The following SUCO variants were observed in gnomAD, a reference collection of about 807,000 sequenced individuals.
SUCO encodes the protein SUN domain containing ossification factor.
Under a neutral mutation model 148.1 loss-of-function variants are expected in SUCO, and 57 were observed. The ratio of observed to expected loss-of-function variants is 0.38; its 90% confidence interval spans 0.31 to 0.48. The LOEUF (loss-of-function observed/expected upper bound fraction) is 0.48, where lower values mean the gene tolerates loss of function less well. Among genes scored for constraint, SUCO ranks in the 20% least tolerant of loss-of-function variants. The probability of loss-of-function intolerance (pLI) is 0.96; values close to 1 mark genes in which losing one functional copy is unlikely to be tolerated. For synonymous variants in SUCO, 470 were observed against 502.7 expected, an observed-to-expected ratio of 0.93 and a Z score of 0.87; for missense variants, 1,331 against 1,468.2, an observed-to-expected ratio of 0.91 and a Z score of 1.53.
chr1:172,572,205 A>ACAGCT (rs1655068754), intron 9 of SUCO, among the ~76,000 whole-genome samples: 1 of 148,596 alleles, frequency 6.7e-6, no homozygotes, highest in African/African-American at 2.5e-5. Context: ...GGTGTACCCA[A>ACAGCT]CAGCTCATTG....
chr1:172,542,080 A>T (rs1652500901), intron 1 of SUCO, among the ~76,000 whole-genome samples: 2 of 152,128 alleles, frequency 1.3e-5, no homozygotes, highest in African/African-American at 2.4e-5. Context: ...TTGAATGCAG[A>T]TAAAATTTGG....
At chr1:172,599,275 G>C (rs1182324071) in intron 19 of SUCO, 1 of 162,384 alleles carries the variant, frequency 6.2e-6, no homozygotes, top group African/African-American at 2.4e-5. Flanking sequence ...CTTGCAGTGA[G>C]CTGAGATTGC....
Position 172,579,239 on chromosome 1 carries a change from C to A in SUCO, c.1470C>A (p.Ser490=). ...ATTATAATACTGGAGAGGATAAATC[C>A]TCAAAAAATCTTCTTGGTTCTGCTA... ...PLDYNTGEDK[S]SKNLLGSATN... is the part of the protein sequence containing the mutation. The change falls in exon 15 of 24, where the codon TCC becomes TCA. Residue 490 remains serine (S), a synonymous_variant. Coordinates refer to ENST00000263688, the MANE Select transcript of SUCO (RefSeq NM_014283.5). The A allele has an allele frequency of 6.3e-7, 1 of 1,598,804 alleles. No homozygotes were observed.
intron 19 of SUCO, among the ~76,000 whole-genome samples, chr1:172,594,266 G>A (rs1407935885): frequency 1.4e-5 from 2 of 146,804 alleles, no homozygotes; most frequent in South Asian, 2.1e-4. Flanking sequence ...AGGGTTTTTT[G>A]TGTCTCTGTC....
Position 172,556,011 on chromosome 1 carries a change from T to A in SUCO, c.431T>A (p.Ile144Asn). 1 of 1,610,878 alleles carries A rather than the reference T, an allele frequency of 6.2e-7. No individual in the cohort carries two copies. Among genetic ancestry groups the A allele is most frequent in the South Asian group, 1.1e-5 (1 of 90,742 alleles). Residue 144 changes from isoleucine (I) to asparagine (N), a missense_variant, in exon 4 of 24, where the codon ATC becomes AAC. Ile to Asn is a moderately radical substitution (Grantham distance 149). This residue lies in a region of SUCO where 992 missense variants were observed against 1,093.5 expected (regional missense o/e 0.91). Transcript: ENST00000263688. ...SSSSTSEITP[I>N]SKLDEIEKSG... ...TCATCTACCTCAGAAATCACTCCAA[T>A]CTCAAAGCTTGAGTAAGTTGTTACA...
chr1:172,591,305 G>A (rs1375503735), intron 19 of SUCO, among the ~76,000 whole-genome samples: 1 of 151,904 alleles, frequency 6.6e-6, no homozygotes, highest in African/African-American at 2.4e-5. Flanking sequence ...TTAAGTTCTA[G>A]GGTACATGTG....
chr1:172,591,882 T>G (rs1656700855), intron 19 of SUCO, among the ~76,000 whole-genome samples: 1 of 152,212 alleles, frequency 6.6e-6, no homozygotes, highest in Admixed American at 6.5e-5. Context: ...TTGAACTAGT[T>G]TACAGTCCAA....
At chr1:172,549,100 TGTTAATTAAAATG>T in intron 1 of SUCO, among the ~76,000 whole-genome samples, 1 of 152,070 alleles carries the variant, frequency 6.6e-6, no homozygotes, top group Admixed American at 6.5e-5. Context: ...TTGGTTTCTA[TGTTAATTAAAATG>T]GCTACTTTGT....
rs1340893511 is a variant in SUCO, at chr1:172,551,466, T to A, written c.63-46T>A. Reference sequence around the variant, plus strand: ...GACTTAACAACTTTTCTTCTTTCTTTCTCTTTCTCTTTTTCTGTTTGTTGG... The same window carrying A: ...GACTTAACAACTTTTCTTCTTTCTTACTCTTTCTCTTTTTCTGTTTGTTGG... On this transcript the variant is annotated intron_variant, in intron 1 of 23. Transcript: ENST00000263688. 6.3e-6 allele frequency: 8 copies of A among 1,262,778 alleles called. No homozygotes were observed. The South Asian group carries it at 1.1e-4, about 17-fold the overall frequency. The allele number at this position is 1,262,778 out of a possible 1,614,324, so 78.2% of individuals were successfully genotyped here.
rs866317497 is a variant in SUCO at position 172,533,174 on chromosome 1, G to T, written c.-262G>T. ...TATGGGGCGGCAGTGGCGGCTGCAG[G>T]AGGCGGGCGTGGACGAGCCGGTGGC... On this transcript the variant is annotated 5_prime_UTR_variant, in exon 1 of 24. It introduces an in-frame stop codon into an upstream open reading frame of the 5' UTR. Coordinates refer to ENST00000263688, the MANE Select transcript of SUCO (RefSeq NM_014283.5). The T allele has an allele frequency of 8.8e-6, 13 of 1,477,920 alleles. No homozygotes were observed. In the Middle Eastern group the frequency reaches 9.8e-4, roughly 111 times the overall value. The allele number at this position is 1,477,920 out of a possible 1,614,324, so 91.6% of individuals were successfully genotyped here.
rs760903081 is a variant in SUCO, at chr1:172,569,014, T to C, written c.733-5T>C. The C allele has an allele frequency of 1.2e-5, 19 of 1,560,898 alleles. No individual in the cohort carries two copies. Among genetic ancestry groups the C allele is most frequent in the Non-Finnish European group, 1.6e-5 (19 of 1,164,444 alleles). On this transcript the variant is annotated splice_polypyrimidine_tract_variant and splice_region_variant and intron_variant, in intron 6 of 23. Transcript: ENST00000263688. The stretch of plus-strand genomic sequence containing the variant: ...AGTCTTCTTACTTTTTGGTGTTTCT[T>C]TCAGAGCTCTGATTATACAAAACCA...
Position 172,585,935 on chromosome 1 carries a change from G to C in SUCO, c.1645G>C (p.Val549Leu). The change falls in exon 17 of 24, where the codon GTT (valine) becomes CTT (leucine). Residue 549 changes from valine to leucine, a missense_variant. Transcript: ENST00000263688. ...MPESTPVSTPVPSPEYVTTEV... is the reference protein window; with the variant it reads ...MPESTPVSTPLPSPEYVTTEV... ...TGAATCAACTCCTGTTTCAACTCCT[G>C]TTCCATCTCCTGAGTAAGTTATAAT... The C allele has an allele frequency of 6.2e-7, 1 of 1,606,314 alleles. No homozygotes were observed. The highest frequency in any genetic ancestry group is 2.2e-5 in the East Asian group (1 of 44,706).
chr1:172,599,866 G>C (rs1356080856), intron 19 of SUCO, among the ~76,000 whole-genome samples, 198 bp from the exon 20 acceptor site: 1 of 152,012 alleles, frequency 6.6e-6, no homozygotes, highest in Non-Finnish European at 1.5e-5. Context: ...TGTTGGGGAG[G>C]GTTAGACACG....
chr1:172,583,253 A>G (rs917803999), intron 15 of SUCO, among the ~76,000 whole-genome samples: 1 of 152,146 alleles, frequency 6.6e-6, no homozygotes, highest in African/African-American at 2.4e-5. Flanking sequence ...TCTTTAGCTT[A>G]AGTAAGAATT....
chr1:172,550,475 G>A (rs1653207316), intron 1 of SUCO, among the ~76,000 whole-genome samples: 1 of 151,944 alleles, frequency 6.6e-6, no homozygotes, highest in South Asian at 2.1e-4. Flanking sequence ...TTATATCTGG[G>A]ACTTCTTTTA....
chr1:172,584,753 G>A (rs1195026807), intron 15 of SUCO, among the ~76,000 whole-genome samples: 1 of 152,142 alleles, frequency 6.6e-6, no homozygotes, highest in African/African-American at 2.4e-5. Flanking sequence ...TCCAGCCTGG[G>A]CAACAGAGCA....
rs920039838 is a variant in SUCO at position 172,564,232 on chromosome 1, A to G, written c.733-4787A>G. 3.3e-5 allele frequency among the ~76,000 whole-genome samples: 5 copies of G among 152,232 alleles called. No homozygotes were observed. The East Asian group carries it at 9.6e-4, about 29-fold the overall frequency. On this transcript the variant is annotated intron_variant, in intron 6 of 23. Transcript: ENST00000263688. Reference sequence around the variant, plus strand: ...CCCCAATCCCCAGCATCCCCACTGGAGCACTGCCTAATGGAGCTGTGAGAA... The same window carrying G: ...CCCCAATCCCCAGCATCCCCACTGGGGCACTGCCTAATGGAGCTGTGAGAA...
intron 9 of SUCO, among the ~76,000 whole-genome samples, chr1:172,572,708 A>C (rs868552215): frequency 1.4e-5 from 2 of 146,564 alleles, no homozygotes; most frequent in Middle Eastern, 3.9e-3. Flanking sequence ...AAAAAAAAAA[A>C]AAAAAAAAAA....
intron 1 of SUCO, 147 bp downstream of exon 1, chr1:172,533,644 T>G: frequency 9.6e-7 from 1 of 1,044,460 alleles, no homozygotes; most frequent in Non-Finnish European, 1.4e-6. Flanking sequence ...TTCTCGACTC[T>G]CCATCTGACT....
Sources: gnomAD v4.1 joint callset for allele counts (sites outside exome capture counted in the v4.1 genomes callset) on GRCh38, gnomAD v4.1.1 for gene constraint, gnomAD v4.1.1 regional missense constraint, MANE v1.5 for transcripts, NCBI Gene and HGNC (gene_info 2026-07-23, HGNC 2026-07-21) for gene names.